Variants in PIK3C2A observed in about 807,000 individuals in gnomAD.
PIK3C2A encodes the protein phosphatidylinositol-4-phosphate 3-kinase catalytic subunit type 2 alpha, also known as phosphatidylinositol 4-phosphate 3-kinase C2 domain-containing subunit alpha.
Under a neutral mutation model 204.5 loss-of-function variants are expected in PIK3C2A, and 97 were observed. That is an observed-to-expected ratio of 0.47 (90% CI 0.40 to 0.56). PIK3C2A has a LOEUF of 0.56. PIK3C2A is among the 20% of genes least tolerant of loss of function. The pLI is 0.00. For synonymous variants in PIK3C2A, 653 were observed against 664.4 expected (o/e 0.98, Z 0.26); for missense variants, 1,735 against 1,969.2 (o/e 0.88, Z 2.25).
intron 8 of PIK3C2A, among the ~76,000 whole-genome samples, chr11:17,143,635 A>C (rs1407577858): frequency 5.3e-5 from 8 of 151,516 alleles, no homozygotes; most frequent in Non-Finnish European, 1.0e-4. Context: ...AAAAAAAAAA[A>C]AACAAAAAAA....
chr11:17,130,394 T>C (rs930095352), intron 12 of PIK3C2A, among the ~76,000 whole-genome samples: 2 of 152,198 alleles, frequency 1.3e-5, no homozygotes, highest in African/African-American at 2.4e-5. Flanking sequence ...ACATGTATTA[T>C]TTTATAATAT....
At chr11:17,128,034 C>A (rs117262789) in intron 13 of PIK3C2A, among the ~76,000 whole-genome samples, 1 of 152,086 alleles carries the variant, frequency 6.6e-6, no homozygotes. Context: ...TGATTCCCCC[C>A]ACTCCGTAAA....
At chr11:17,124,165 C>CTA (rs1849447904) in intron 13 of PIK3C2A, among the ~76,000 whole-genome samples, 1 of 152,058 alleles carries the variant, frequency 6.6e-6, no homozygotes, top group African/African-American at 2.4e-5. Context: ...CCACACCGGG[C>CTA]TATAGTCTGT....
At chr11:17,185,396 A>G (rs1410158978) in intron 1 of PIK3C2A, among the ~76,000 whole-genome samples, 1 of 152,184 alleles carries the variant, frequency 6.6e-6, no homozygotes, top group Non-Finnish European at 1.5e-5. Flanking sequence ...CATTCACACA[A>G]TGACAAAATT....
intron 8 of PIK3C2A, among the ~76,000 whole-genome samples, chr11:17,140,606 G>C (rs139752872): frequency 4.5e-4 from 69 of 152,284 alleles, no homozygotes; most frequent in African/African-American, 1.6e-3. Flanking sequence ...AAAAGGCAAA[G>C]CTATAGAAAT....
Position 17,169,816 on chromosome 11 carries a change from A to G in PIK3C2A, c.-65-10T>C. The G allele has an allele frequency of 1.1e-6, 1 of 905,150 alleles. No individual in the cohort carries two copies. Among genetic ancestry groups the G allele is most frequent in the Non-Finnish European group, 1.7e-6 (1 of 598,546 alleles). The allele number at this position is 905,150 out of a possible 1,614,324, so 56.1% of individuals were successfully genotyped here. ...TCCAAAATAGCAAGGCCTATACATA[A>G]AAATAAACATAACACTCAATTAGAT... On this transcript the variant is annotated splice_polypyrimidine_tract_variant and intron_variant, in intron 1 of 32. Coordinates refer to ENST00000691414, the MANE Select transcript of PIK3C2A (RefSeq NM_002645.4).
intron 8 of PIK3C2A, among the ~76,000 whole-genome samples, chr11:17,139,827 T>A (rs1850000690): frequency 2.0e-5 from 3 of 152,186 alleles, no homozygotes; most frequent in Admixed American, 2.0e-4. Context: ...AACTCTCTTC[T>A]GTCCTCACTC....
At chr11:17,090,454 C>T (rs1363367990) in intron 32 of PIK3C2A, among the ~76,000 whole-genome samples, 3 of 152,038 alleles carry the variant, frequency 2.0e-5, no homozygotes, top group South Asian at 2.1e-4. Context: ...GTAACAACAG[C>T]GAAACTCTGC....
intron 18 of PIK3C2A, 119 bp from the exon 19 acceptor site, chr11:17,117,790 T>C: frequency 1.8e-6 from 1 of 548,556 alleles, no homozygotes; most frequent in Non-Finnish European, 3.1e-6. Flanking sequence ...CTCGGCTCAC[T>C]GCAAGCTCTG....
Position 17,178,538 on chromosome 11 carries a change from C to G in PIK3C2A, c.-65-8732G>C, listed in dbSNP as rs560037244. 4.7e-4 allele frequency among the ~76,000 whole-genome samples: 71 copies of G among 152,016 alleles called. 1 individual carries two copies. The South Asian group carries it at 5.6e-3, about 12-fold the overall frequency. On this transcript the variant is annotated intron_variant, in intron 1 of 32. Transcript: ENST00000691414. Reference sequence around the variant, plus strand: ...AAATTTTATTTTTATTTTTTTAAGTCCCACAGATAACTTACTGTCTTATTT... The same window carrying G: ...AAATTTTATTTTTATTTTTTTAAGTGCCACAGATAACTTACTGTCTTATTT...
intron 13 of PIK3C2A, among the ~76,000 whole-genome samples, chr11:17,128,991 G>A (rs567120091): frequency 6.6e-6 from 1 of 152,204 alleles, no homozygotes; most frequent in Non-Finnish European, 1.5e-5. Flanking sequence ...GAACTTACAA[G>A]ACTGTGGTAT....
chr11:17,139,764 C>T (rs142704221), intron 8 of PIK3C2A, among the ~76,000 whole-genome samples: 1 of 152,260 alleles, frequency 6.6e-6, no homozygotes, highest in East Asian at 1.9e-4. Flanking sequence ...ACCACAATAT[C>T]ATATCTGGTT....
intron 2 of PIK3C2A, among the ~76,000 whole-genome samples, chr11:17,162,265 C>T (rs1447053433): frequency 3.3e-5 from 5 of 151,334 alleles, no homozygotes; most frequent in African/African-American, 9.7e-5. Context: ...TGCTTGAACC[C>T]GAGACGTGGA....
intron 3 of PIK3C2A, among the ~76,000 whole-genome samples, chr11:17,152,818 G>C (rs1393601283): frequency 1.1e-4 from 16 of 151,668 alleles, no homozygotes; most frequent in Non-Finnish European, 2.2e-4. Context: ...TGCAAAATCA[G>C]AACATAAAAA....
chr11:17,116,637 T>C (rs534906706), intron 19 of PIK3C2A, among the ~76,000 whole-genome samples: 5 of 152,128 alleles, frequency 3.3e-5, no homozygotes, highest in Middle Eastern at 3.4e-3. Context: ...TCGCCCAGGC[T>C]GGAGTATAGT....
chr11:17,102,521 G>T, intron 24 of PIK3C2A, 141 bp downstream of exon 24: 1 of 611,370 alleles, frequency 1.6e-6, no homozygotes, highest in Non-Finnish European at 2.9e-6. Context: ...TCTACTATGT[G>T]GTATGGTCAT....
chr11:17,097,774 T>C, intron 26 of PIK3C2A, among the ~76,000 whole-genome samples: 1 of 151,972 alleles, frequency 6.6e-6, no homozygotes, highest in Non-Finnish European at 1.5e-5. Context: ...ATTAGCCAGG[T>C]GTGGTGGTGT....
At chr11:17,163,975 G>A (rs1317553535) in intron 2 of PIK3C2A, among the ~76,000 whole-genome samples, 1 of 149,644 alleles carries the variant, frequency 6.7e-6, no homozygotes, top group Non-Finnish European at 1.5e-5. Flanking sequence ...TATTATTTAT[G>A]AAAGGATCTA....
intron 8 of PIK3C2A, among the ~76,000 whole-genome samples, chr11:17,142,142 T>TA (rs907872671): frequency 1.3e-5 from 2 of 152,242 alleles, no homozygotes; most frequent in African/African-American, 4.8e-5. Flanking sequence ...ATGGGTACTA[T>TA]AAAAAATTCA....
Sources: gnomAD v4.1 joint callset for allele counts (sites outside exome capture counted in the v4.1 genomes callset) on GRCh38, gnomAD v4.1.1 for gene constraint, MANE v1.5 for transcripts, NCBI Gene and HGNC (gene_info 2026-07-23, HGNC 2026-07-21) for gene names.